ERBB4: variants seen among roughly 807,000 people sequenced by gnomAD.
ERBB4 encodes erb-b2 receptor tyrosine kinase 4.
A neutral mutation model predicts 158.0 loss-of-function variants in ERBB4; 42 were observed. The ratio of observed to expected loss-of-function variants is 0.27; its 90% CI spans 0.21 to 0.34. ERBB4 has a LOEUF of 0.34. Among genes scored for constraint, ERBB4 ranks in the 10% least tolerant of loss-of-function variants. The pLI, the probability that ERBB4 is intolerant of heterozygous loss-of-function variation, is 1.00. For synonymous variants in ERBB4, 583 were observed against 558.7 expected (o/e 1.04, Z -0.61); for missense variants, 1,333 against 1,624.1 (o/e 0.82, Z 3.08).
chr2:212,499,423 T>C (rs1479528442), intron 1 of ERBB4, among the ~76,000 whole-genome samples: 6 of 152,128 alleles, frequency 3.9e-5, no homozygotes, highest in Non-Finnish European at 8.8e-5. Flanking sequence ...TTACTCTTGA[T>C]GTAATAATGA....
chr2:211,435,609 C>T (rs905272914), intron 20 of ERBB4, among the ~76,000 whole-genome samples: 14 of 152,132 alleles, frequency 9.2e-5, no homozygotes, highest in Non-Finnish European at 1.9e-4. Flanking sequence ...GTCAGATTAG[C>T]GGCGGCAGCA....
At chr2:212,191,399 G>A (rs114236520) in intron 1 of ERBB4, among the ~76,000 whole-genome samples, 2,366 of 83,528 alleles carry the variant, frequency 0.028, 127 homozygotes, top group African/African-American at 0.095. Context: ...TGTGTATTAG[G>A]AAACAGAAAA....
chr2:212,499,441 AT>A (rs1690760699), intron 1 of ERBB4, among the ~76,000 whole-genome samples: 2 of 152,112 alleles, frequency 1.3e-5, no homozygotes, highest in Non-Finnish European at 2.9e-5. Flanking sequence ...TGAAAGAAAT[AT>A]TTTTTAATGT....
In ERBB4 at chr2:211,415,270, C is replaced by T. The variant is rs192314643; in HGVS notation, c.3135+5171G>A. On this transcript the variant is annotated intron_variant, in intron 25 of 27. Coordinates refer to ENST00000342788, the MANE Select transcript of ERBB4 (RefSeq NM_005235.3). ...TAGCCGGGACCACAGGCGCCCGCCACCACGCCCGGCTAATTTTTTGTATTT... is the reference window on the plus strand; with the variant it reads ...TAGCCGGGACCACAGGCGCCCGCCATCACGCCCGGCTAATTTTTTGTATTT... Among the ~76,000 whole-genome samples, 1,443 of 152,056 alleles carry T rather than the reference C, an allele frequency of 9.5e-3. 7 individuals are homozygous for T. The highest frequency in any genetic ancestry group is 0.031 in the African/African-American group (1,307 of 41,508).
At chr2:211,870,142 A>T (rs1042410004) in intron 3 of ERBB4, among the ~76,000 whole-genome samples, 43 of 152,076 alleles carry the variant, frequency 2.8e-4, no homozygotes, top group Admixed American at 1.5e-3. Context: ...TAAACTTTTA[A>T]TTTGAAAATT....
At chr2:211,930,358 T>C (rs1223005691) in intron 3 of ERBB4, among the ~76,000 whole-genome samples, 1 of 152,204 alleles carries the variant, frequency 6.6e-6, no homozygotes, top group African/African-American at 2.4e-5. Context: ...AAGCTGTCAA[T>C]TACCTTATTT....
chr2:211,745,646 T>C lies in ERBB4; in HGVS notation c.622+4993A>G, dbSNP rs529214230. Among the ~76,000 whole-genome samples, 444 of 149,532 alleles carry C rather than the reference T, an allele frequency of 3.0e-3. 1 individual carries two copies. The highest frequency in any genetic ancestry group is 0.01 in the African/African-American group (427 of 40,744). ...GCTATTATTGATTGGGTTTTGGATA[T>C]ATTAAAAATTATTTAAGAGCTTCAA... is the stretch of plus-strand genomic sequence containing the variant. On this transcript the variant is annotated intron_variant, in intron 5 of 27. Coordinates refer to ENST00000342788, the MANE Select transcript of ERBB4 (RefSeq NM_005235.3).
At chr2:211,710,959 C>T (rs1349235961) in intron 9 of ERBB4, among the ~76,000 whole-genome samples, 4 of 151,690 alleles carry the variant, frequency 2.6e-5, no homozygotes, top group Non-Finnish European at 4.4e-5. Context: ...CTACCCAGTT[C>T]CAACAAATTG....
intron 20 of ERBB4, among the ~76,000 whole-genome samples, chr2:211,558,636 T>C (rs2125714281): frequency 6.6e-6 from 1 of 152,118 alleles, no homozygotes; most frequent in East Asian, 1.9e-4. Flanking sequence ...TACCACTATA[T>C]ACAATGAGAA....
At chr2:212,224,721 C>T (rs765200230) in intron 1 of ERBB4, among the ~76,000 whole-genome samples, 1 of 151,514 alleles carries the variant, frequency 6.6e-6, no homozygotes, top group Non-Finnish European at 1.5e-5. Context: ...CATATAACAA[C>T]GAAAAAGTAA....
chr2:211,521,622 T>C (rs2066187861), intron 20 of ERBB4, among the ~76,000 whole-genome samples: 3 of 152,178 alleles, frequency 2.0e-5, no homozygotes, highest in Admixed American at 2.0e-4. Context: ...AACAGCCTTA[T>C]ACTGAAAGAA....
At chr2:211,450,446 G>A (rs1384244431) in intron 20 of ERBB4, among the ~76,000 whole-genome samples, 2 of 152,198 alleles carry the variant, frequency 1.3e-5, no homozygotes, top group Admixed American at 1.3e-4. Flanking sequence ...GTGAAAATGA[G>A]AGTTAAGGGG....
At chr2:211,736,547 C>T (rs949009180) in intron 5 of ERBB4, among the ~76,000 whole-genome samples, 13 of 152,124 alleles carry the variant, frequency 8.5e-5, no homozygotes, top group African/African-American at 3.1e-4. Flanking sequence ...TCTCTGTGCT[C>T]TTCTTATATA....
intron 9 of ERBB4, among the ~76,000 whole-genome samples, chr2:211,709,274 T>TATATATAC (rs1553615210): frequency 1.1e-4 from 15 of 136,548 alleles, no homozygotes; most frequent in African/African-American, 4.3e-4. Flanking sequence ...TATATATATA[T>TATATATAC]ACATACATAT....
chr2:211,670,004 C>A (rs2071777831), intron 14 of ERBB4, among the ~76,000 whole-genome samples: 1 of 152,062 alleles, frequency 6.6e-6, no homozygotes, highest in South Asian at 2.1e-4. Flanking sequence ...GGGAAATATT[C>A]ATAGATCAAA....
In ERBB4 at chr2:212,053,890, C is replaced by T. The variant is rs763093390; in HGVS notation, c.234+70862G>A. 2.0e-5 allele frequency among the ~76,000 whole-genome samples: 3 copies of T among 152,152 alleles called. No individual in the cohort carries two copies. The East Asian group carries it at 5.8e-4, about 29-fold the overall frequency. ...CATCACCCTGCATTCTCAAGAAACA[C>T]TTATTAAATTACTTGTTACTTATAA... On this transcript the variant is annotated intron_variant, in intron 2 of 27. Coordinates refer to ENST00000342788, the MANE Select transcript of ERBB4 (RefSeq NM_005235.3).
intron 2 of ERBB4, among the ~76,000 whole-genome samples, chr2:212,115,368 A>T (rs1025522280): frequency 1.1e-4 from 17 of 152,160 alleles, no homozygotes; most frequent in African/African-American, 4.1e-4. Context: ...TTTCATTTTA[A>T]GAGTCAGAGA....
intron 20 of ERBB4, among the ~76,000 whole-genome samples, chr2:211,498,464 C>G (rs2065531450): frequency 6.6e-6 from 1 of 152,030 alleles, no homozygotes; most frequent in Non-Finnish European, 1.5e-5. Context: ...CTTATCAGAA[C>G]AAGCTGCTTA....
intron 1 of ERBB4, among the ~76,000 whole-genome samples, chr2:212,164,976 T>TTTTTTTTTTTTTTTTTGAG (rs2081304709): frequency 6.6e-6 from 1 of 151,876 alleles, no homozygotes; most frequent in African/African-American, 2.4e-5. Context: ...TTCGCATTTT[T>TTTTTTTTTTTTTTTTTGAG]AATTGTCAAG....
Sources: gnomAD v4.1 joint callset for allele counts (sites outside exome capture counted in the v4.1 genomes callset) on GRCh38, gnomAD v4.1.1 for gene constraint, MANE v1.5 for transcripts, NCBI Gene and HGNC (gene_info 2026-07-23, HGNC 2026-07-21) for gene names.